Variants in CS observed in about 807,000 individuals in gnomAD.
CS encodes citrate synthase, mitochondrial.
In CS, 13 loss-of-function variants were observed where a neutral mutation model predicts 61.4. That is an observed-to-expected ratio of 0.21 (90% CI 0.14 to 0.34). CS has a LOEUF of 0.34. Ranked by LOEUF, CS falls within the 10% of genes least tolerant of loss-of-function variation. The probability of loss-of-function intolerance (pLI) is 1.00; values close to 1 mark genes in which losing one functional copy is unlikely to be tolerated. For synonymous variants in CS, 159 were observed against 215.2 expected (o/e 0.74, Z 2.29); for missense variants, 278 against 573.4 (o/e 0.48, Z 5.26).
At chr12:56,276,911 G>A (rs1278649156) in intron 6 of CS, among the ~76,000 whole-genome samples, 1 of 151,982 alleles carries the variant, frequency 6.6e-6, no homozygotes, top group Non-Finnish European at 1.5e-5. Context: ...AAGACAGCAG[G>A]TTTTACAGCC....
rs988804066 is a variant in CS at position 56,286,975 on chromosome 12, A to T, written c.43-330T>A. Among the ~76,000 whole-genome samples the T allele has an allele frequency of 8.5e-5, 13 of 152,328 alleles. No homozygotes were observed. In the East Asian group the frequency reaches 2.5e-3, roughly 29 times the overall value. ...AAATGAGGAAACTGAGCAATTACTT[A>T]ACACTGCTGGTAAGATCTCTCCTGC... is the stretch of plus-strand genomic sequence containing the variant. On this transcript the variant is annotated intron_variant, in intron 1 of 10. Coordinates refer to ENST00000351328, the MANE Select transcript of CS (RefSeq NM_004077.3).
At position 56,274,957 on chromosome 12, in the gene CS, G is replaced by A. The variant is rs1051904254; in HGVS notation, c.918+45C>T. On this transcript the variant is annotated intron_variant, in intron 8 of 10. Coordinates refer to ENST00000351328, the MANE Select transcript of CS (RefSeq NM_004077.3). ...ATGCCAAGATCAGAAACAAAGCATG[G>A]GGTAAGGAAAACATGTAGCAGGAAA... The A allele has an allele frequency of 3.7e-6, 6 of 1,611,574 alleles. No homozygotes were observed. In the African/African-American group the frequency reaches 8.0e-5, roughly 22 times the overall value.
At chr12:56,291,969 G>A (rs1429329377) in intron 1 of CS, among the ~76,000 whole-genome samples, 2 of 152,212 alleles carry the variant, frequency 1.3e-5, no homozygotes, top group African/African-American at 4.8e-5. Flanking sequence ...CTCCTCTAGT[G>A]AGTCAGCTAT....
chr12:56,278,572 A>G (rs1425511641), intron 6 of CS, among the ~76,000 whole-genome samples: 1 of 151,954 alleles, frequency 6.6e-6, no homozygotes, highest in Non-Finnish European at 1.5e-5. Context: ...CCCCATCTCT[A>G]CTAAAAATAC....
chr12:56,294,473 C>CAAAAAAAAAA (rs1227364181), intron 1 of CS, among the ~76,000 whole-genome samples: 1 of 36,918 alleles, frequency 2.7e-5, no homozygotes, highest in Non-Finnish European at 5.2e-5. Context: ...GACTCTGTCT[C>CAAAAAAAAAA]AAAAAAAAAA....
At chr12:56,285,807 A>T in intron 3 of CS, 109 bp downstream of exon 3, 1 of 876,298 alleles carries the variant, frequency 1.1e-6, no homozygotes, top group Non-Finnish European at 1.9e-6. Flanking sequence ...AAGCTGTCCT[A>T]CAGGGCCTAT....
At chr12:56,275,945 T>C in intron 7 of CS, 51 bp downstream of exon 7, 1 of 1,541,640 alleles carries the variant, frequency 6.5e-7, no homozygotes, top group Non-Finnish European at 9.0e-7. Context: ...TTTAAAAAAA[T>C]TTCCCACCAA....
chr12:56,299,521 T>C (rs751219000), intron 1 of CS, among the ~76,000 whole-genome samples: 3 of 152,114 alleles, frequency 2.0e-5, no homozygotes, highest in South Asian at 2.1e-4. Flanking sequence ...TCATGTATGA[T>C]AGTCATGCAG....
chr12:56,291,746 G>A (rs1873131671), intron 1 of CS: 1 of 152,234 alleles, frequency 6.6e-6, no homozygotes, highest in Admixed American at 6.6e-5. Context: ...TACTGGAACA[G>A]CAGCTCTCAG....
intron 1 of CS, among the ~76,000 whole-genome samples, chr12:56,296,355 CG>C (rs1873305524): frequency 1.3e-5 from 2 of 151,936 alleles, no homozygotes; most frequent in African/African-American, 4.8e-5. Flanking sequence ...CCCAGCTACT[CG>C]GGGGGATTGC....
chr12:56,292,572 T>C (rs1335328436), intron 1 of CS, among the ~76,000 whole-genome samples: 1 of 151,278 alleles, frequency 6.6e-6, no homozygotes, highest in Non-Finnish European at 1.5e-5. Flanking sequence ...GCGTGTACCC[T>C]TTCTGCAGAA....
In CS at chr12:56,276,172, A is replaced by G. The variant is rs1872618149; in HGVS notation, c.612T>C (p.Asp204=). 2 of 1,614,032 alleles carry G rather than the reference A, an allele frequency of 1.2e-6. No individual in the cohort carries two copies. The highest frequency in any genetic ancestry group is 1.7e-6 in the Non-Finnish European group (2 of 1,180,048). Residue 204 remains aspartate (D), a synonymous_variant, in exon 7 of 11, where the codon GAT becomes GAC. Transcript: ENST00000351328. ...YWELIYEDSM[D]LIAKLPCVAA... is the part of the protein sequence containing the mutation. ...CAACACAAGGTAGCTTTGCGATTAG[A>G]TCCATAGAGTCTTCATAAATCAACT... is the stretch of plus-strand genomic sequence containing the variant.
chr12:56,293,850 T>C (rs1592414062), intron 1 of CS, among the ~76,000 whole-genome samples: 1 of 152,244 alleles, frequency 6.6e-6, no homozygotes, highest in East Asian at 1.9e-4. Flanking sequence ...GCTTAGCTGA[T>C]GGAGCAAACA....
intron 6 of CS, among the ~76,000 whole-genome samples, chr12:56,277,079 C>A (rs1383065796): frequency 1.3e-5 from 2 of 151,310 alleles, no homozygotes; most frequent in African/African-American, 4.9e-5. Context: ...GGGCCGGCGC[C>A]TATAATCCCA....
At chr12:56,287,558 CA>C (rs1396868264) in intron 1 of CS, among the ~76,000 whole-genome samples, 1 of 141,376 alleles carries the variant, frequency 7.1e-6, no homozygotes, top group Non-Finnish European at 1.5e-5. Flanking sequence ...TCTGTGTGTA[CA>C]GGTAGTTTCT....
In CS at chr12:56,296,438, CA is replaced by C. The variant is rs1441972686; in HGVS notation, c.42+3721del. Among the ~76,000 whole-genome samples, 8 of 151,754 alleles carry C rather than the reference CA, an allele frequency of 5.3e-5. No individual in the cohort carries two copies. In the South Asian group the frequency reaches 1.5e-3, roughly 28 times the overall value. On this transcript the variant is annotated intron_variant, in intron 1 of 10. Coordinates refer to ENST00000351328, the MANE Select transcript of CS (RefSeq NM_004077.3). ...ACCACTGCACTCCAGCCCCACCCCCCAAAAAAAACCCAAAACAGAGAACTAA... is the reference window on the plus strand; with the variant it reads ...ACCACTGCACTCCAGCCCCACCCCCCAAAAAAACCCAAAACAGAGAACTAA...
At chr12:56,286,677 T>C in intron 1 of CS, 32 bp from the exon 2 acceptor site, 1 of 1,592,254 alleles carries the variant, frequency 6.3e-7, no homozygotes, top group Non-Finnish European at 8.6e-7. Context: ...CTTATGTAAC[T>C]GTTACCCCTC....
chr12:56,278,363 G>A (rs1872682783), intron 6 of CS, among the ~76,000 whole-genome samples: 1 of 152,116 alleles, frequency 6.6e-6, no homozygotes, highest in South Asian at 2.1e-4. Context: ...CCTGACCTCA[G>A]GTTATCCACC....
chr12:56,297,178 G>A (rs537674221), intron 1 of CS, among the ~76,000 whole-genome samples: 2 of 152,294 alleles, frequency 1.3e-5, no homozygotes, highest in Admixed American at 6.5e-5. Flanking sequence ...CCTTTAGCTA[G>A]GGTTGGTTAA....
Sources: allele counts gnomAD v4.1 joint callset (sites outside exome capture counted in the v4.1 genomes callset), GRCh38; gene constraint gnomAD v4.1.1; transcripts MANE v1.5; gene names NCBI Gene and HGNC (gene_info 2026-07-23, HGNC 2026-07-21).